The following SYN3 variants were observed in gnomAD, a reference collection of about 807,000 sequenced individuals.
The protein encoded by SYN3 is synapsin III.
In SYN3, 35 loss-of-function variants were observed where a neutral mutation model predicts 65.8. That is an observed-to-expected ratio of 0.53 (90% CI 0.41 to 0.70). The LOEUF (loss-of-function observed/expected upper bound fraction) is 0.70, where lower values mean the gene tolerates loss of function less well. Ranked by LOEUF, SYN3 falls within the 30% of genes least tolerant of loss-of-function variation. SYN3 has a pLI of 0.00. For synonymous variants in SYN3, 270 were observed against 292.9 expected, an observed-to-expected ratio of 0.92 and a Z score of 0.80; for missense variants, 680 against 749.0, an observed-to-expected ratio of 0.91 and a Z score of 1.08.
At position 32,511,322 on chromosome 22, in the gene SYN3, C is replaced by A. The variant is rs1477747779; in HGVS notation, c.*2370G>T. On this transcript the variant is annotated 3_prime_UTR_variant, in exon 14 of 14. Transcript: ENST00000358763. ...CCCAAGCATGACTGTGGGATATTGACCCCAGGACCCCCACCTCCACCCACC... is the reference window on the plus strand; with the variant it reads ...CCCAAGCATGACTGTGGGATATTGAACCCAGGACCCCCACCTCCACCCACC... Among the ~76,000 whole-genome samples, 1 of 152,134 alleles carries A rather than the reference C, an allele frequency of 6.6e-6. No homozygotes were observed. The highest frequency in any genetic ancestry group is 1.5e-5 in the Non-Finnish European group (1 of 68,030).
At chr22:32,678,902 C>T (rs1473868722) in intron 6 of SYN3, among the ~76,000 whole-genome samples, 1 of 152,052 alleles carries the variant, frequency 6.6e-6, no homozygotes, top group Admixed American at 6.6e-5. Flanking sequence ...TAGTGTTTGT[C>T]TTTCTGTAGC....
chr22:32,634,340 A>C (rs1188820756), intron 6 of SYN3, among the ~76,000 whole-genome samples: 3 of 152,130 alleles, frequency 2.0e-5, no homozygotes, highest in Non-Finnish European at 4.4e-5. Context: ...CATCTGACTC[A>C]ATAGAAGCAT....
intron 10 of SYN3, 94 bp from the exon 11 acceptor site, chr22:32,529,102 C>A (rs939250103): frequency 1.3e-6 from 2 of 1,493,664 alleles, no homozygotes; most frequent in Non-Finnish European, 1.8e-6. Context: ...GGGCTCAGGA[C>A]AGAAGTGACC....
intron 7 of SYN3, among the ~76,000 whole-genome samples, chr22:32,580,082 A>G (rs2058916012): frequency 6.6e-6 from 1 of 152,130 alleles, no homozygotes; most frequent in Admixed American, 6.5e-5. Flanking sequence ...CTAGGCGGGG[A>G]GGGGAGCTGA....
chr22:32,532,058 G>C (rs1413724869), intron 10 of SYN3, among the ~76,000 whole-genome samples: 3 of 152,136 alleles, frequency 2.0e-5, no homozygotes, highest in African/African-American at 7.2e-5. Context: ...ACAGGGGACA[G>C]AGAGACTGCT....
intron 3 of SYN3, among the ~76,000 whole-genome samples, chr22:32,944,724 CATTCA>C (rs2051051665): frequency 6.6e-6 from 1 of 151,992 alleles, no homozygotes; most frequent in African/African-American, 2.4e-5. Context: ...AAATAAAGGG[CATTCA>C]ATTAGGAAAA....
intron 7 of SYN3, among the ~76,000 whole-genome samples, chr22:32,548,139 G>C (rs1280786654): frequency 6.6e-6 from 1 of 152,166 alleles, no homozygotes; most frequent in Non-Finnish European, 1.5e-5. Context: ...CCCAGGTGTG[G>C]TTTCACCAGC....
At chr22:32,964,423 A>T (rs1022892069) in intron 3 of SYN3, among the ~76,000 whole-genome samples, 14 of 124,306 alleles carry the variant, frequency 1.1e-4, no homozygotes, top group African/African-American at 2.2e-4. Flanking sequence ...GTATAATAAA[A>T]AAAAAAAAAA....
chr22:32,599,397 G>C (rs910488240), intron 6 of SYN3, among the ~76,000 whole-genome samples: 1 of 151,478 alleles, frequency 6.6e-6, no homozygotes, highest in South Asian at 2.1e-4. Flanking sequence ...TCTCGGCTCA[G>C]TGCAAGCTCC....
intron 10 of SYN3, among the ~76,000 whole-genome samples, chr22:32,531,148 CAAAAAAAAA>C (rs59432094): frequency 1.1e-3 from 28 of 26,114 alleles, no homozygotes; most frequent in African/African-American, 2.8e-3. Context: ...GACCCCGTCT[CAAAAAAAAA>C]AAAAAAAAAA....
intron 4 of SYN3, among the ~76,000 whole-genome samples, chr22:32,927,185 G>A (rs554970707): frequency 1.3e-5 from 2 of 151,906 alleles, no homozygotes; most frequent in South Asian, 4.2e-4. Flanking sequence ...TATATTGGGT[G>A]TAAATCAACC....
chr22:32,797,399 A>T (rs986813167), intron 6 of SYN3, among the ~76,000 whole-genome samples: 2 of 152,180 alleles, frequency 1.3e-5, no homozygotes, highest in Non-Finnish European at 2.9e-5. Flanking sequence ...TTGTCAAAGA[A>T]GTTGATACAG....
intron 4 of SYN3, among the ~76,000 whole-genome samples, chr22:32,906,472 G>A (rs1285798463): frequency 1.3e-5 from 2 of 152,070 alleles, no homozygotes; most frequent in African/African-American, 4.8e-5. Flanking sequence ...CTTAACCCCA[G>A]GGGAAAAATA....
rs372825032 is a variant in SYN3, at chr22:32,682,697, AAGAAG to A, written c.712-85966_712-85962del. Reference sequence around the variant, plus strand: ...GGATGTAAATGAGGCTTTGAGTAGAAAGAAGAGAAGGTTTTTATTGCACAGCGTTT... The same window carrying A: ...GGATGTAAATGAGGCTTTGAGTAGAAAGAAGGTTTTTATTGCACAGCGTTT... On this transcript the variant is annotated intron_variant, in intron 6 of 13. Transcript: ENST00000358763. 2.3e-3 allele frequency among the ~76,000 whole-genome samples: 346 copies of A among 152,322 alleles called. 2 individuals carry two copies. Among genetic ancestry groups the A allele is most frequent in the African/African-American group, 6.6e-3 (275 of 41,560 alleles).
chr22:32,838,725 A>C (rs1231940923), intron 6 of SYN3, among the ~76,000 whole-genome samples: 2 of 151,990 alleles, frequency 1.3e-5, no homozygotes, highest in Non-Finnish European at 2.9e-5. Flanking sequence ...CTCCTGACCC[A>C]GCACTCCAGG....
At chr22:32,902,782 C>G (rs1569314639) in intron 4 of SYN3, among the ~76,000 whole-genome samples, 1 of 151,006 alleles carries the variant, frequency 6.6e-6, no homozygotes, top group Non-Finnish European at 1.5e-5. Context: ...CTCCTTTTTC[C>G]ACATCTGTTG....
intron 12 of SYN3, among the ~76,000 whole-genome samples, chr22:32,521,628 A>G (rs984456751): frequency 6.6e-6 from 1 of 151,838 alleles, no homozygotes; most frequent in Non-Finnish European, 1.5e-5. Flanking sequence ...TTGTATTTTT[A>G]GTAGAGACAG....
At chr22:32,992,673 C>T (rs922364129) in intron 2 of SYN3, among the ~76,000 whole-genome samples, 9 of 152,200 alleles carry the variant, frequency 5.9e-5, no homozygotes, top group South Asian at 2.1e-4. Context: ...CTTAGCTGTG[C>T]GTGGTGGTAT....
chr22:32,726,710 T>C (rs1016896731), intron 6 of SYN3, among the ~76,000 whole-genome samples: 7 of 152,230 alleles, frequency 4.6e-5, no homozygotes, highest in Admixed American at 4.6e-4. Flanking sequence ...TGGACTTCCC[T>C]GGTCTCTTTG....
Sources: allele counts gnomAD v4.1 joint callset (sites outside exome capture counted in the v4.1 genomes callset), GRCh38; gene constraint gnomAD v4.1.1; transcripts MANE v1.5; gene names NCBI Gene and HGNC (gene_info 2026-07-23, HGNC 2026-07-21).